The following PCDH15 variants were observed in gnomAD, a reference collection of about 807,000 sequenced individuals.
The protein encoded by PCDH15 is protocadherin-15.
In PCDH15, 129 loss-of-function variants were observed where a neutral mutation model predicts 178.5. That is an observed-to-expected ratio of 0.72 (90% CI 0.63 to 0.84). The LOEUF (loss-of-function observed/expected upper bound fraction) is 0.84. PCDH15 is among the 40% of genes least tolerant of loss of function. The pLI is 0.00. For synonymous variants in PCDH15, 800 were observed against 732.0 expected (o/e 1.09, Z -1.50); for missense variants, 2,230 against 2,099.9 (o/e 1.06, Z -1.21).
intron 20 of PCDH15, among the ~76,000 whole-genome samples, chr10:54,005,089 G>T (rs117141848): frequency 0.03 from 4,511 of 152,146 alleles, 101 homozygotes; most frequent in East Asian, 0.11. Context: ...AATAAATGAT[G>T]CCAGGAAAAC....
At chr10:54,868,149 T>C (rs1257202395) in intron 3 of PCDH15, among the ~76,000 whole-genome samples, 1 of 152,144 alleles carries the variant, frequency 6.6e-6, no homozygotes, top group Non-Finnish European at 1.5e-5. Context: ...CAAATATTAA[T>C]AAAGTGAAAT....
intron 21 of PCDH15, among the ~76,000 whole-genome samples, chr10:53,970,071 G>C (rs1687588238): frequency 6.6e-6 from 1 of 152,074 alleles, no homozygotes; most frequent in African/African-American, 2.4e-5. Context: ...TGGCAAACTG[G>C]ATAAAGAGTC....
intron 2 of PCDH15, among the ~76,000 whole-genome samples, chr10:55,324,619 C>T (rs914508840): frequency 1.3e-5 from 2 of 152,074 alleles, no homozygotes; most frequent in Non-Finnish European, 2.9e-5. Flanking sequence ...GATAACCAAA[C>T]AATCATAGTG....
intron 14 of PCDH15, among the ~76,000 whole-genome samples, chr10:54,138,949 A>G (rs550975089): frequency 1.6e-3 from 231 of 147,772 alleles, no homozygotes; most frequent in African/African-American, 6.0e-3. Flanking sequence ...AAGAATACAC[A>G]TAAGTAAGCC....
intron 21 of PCDH15, among the ~76,000 whole-genome samples, chr10:53,965,338 G>C (rs907530762): frequency 3.3e-5 from 5 of 152,130 alleles, no homozygotes; most frequent in African/African-American, 1.2e-4. Context: ...GATTACAGGC[G>C]TAAGCCACCG....
At position 54,914,152 on chromosome 10, in the gene PCDH15, T is replaced by C. The variant is rs147473841; in HGVS notation, c.-79-16652A>G. ...ACAGCATGATATGATTTGGCTCTGTTTTCCCATTCAAATCTCATGTTGAAT... is the reference window on the plus strand; with the variant it reads ...ACAGCATGATATGATTTGGCTCTGTCTTCCCATTCAAATCTCATGTTGAAT... On this transcript the variant is annotated intron_variant, in intron 2 of 5. Transcript: ENST00000458638. Among the ~76,000 whole-genome samples the C allele has an allele frequency of 2.9e-3, 438 of 152,254 alleles. 3 individuals are homozygous for C. The highest frequency in any genetic ancestry group is 0.024 in the Middle Eastern group (7 of 294).
chr10:54,333,298 T>C (rs895610761), intron 6 of PCDH15, among the ~76,000 whole-genome samples: 1 of 152,118 alleles, frequency 6.6e-6, no homozygotes, highest in Non-Finnish European at 1.5e-5. Flanking sequence ...GAATAGGATA[T>C]ACTTTATCAT....
At chr10:54,544,523 T>C (rs1168416930) in intron 2 of PCDH15, among the ~76,000 whole-genome samples, 1 of 152,176 alleles carries the variant, frequency 6.6e-6, no homozygotes, top group Non-Finnish European at 1.5e-5. Context: ...GCCTGCAATT[T>C]TGAATATCTG....
chr10:55,057,537 C>G (rs2131995094), intron 2 of PCDH15, among the ~76,000 whole-genome samples: 1 of 152,262 alleles, frequency 6.6e-6, no homozygotes, highest in East Asian at 1.9e-4. Context: ...GCACACTCTA[C>G]AAGTTGCTGT....
In PCDH15 at chr10:55,522,441, GCTGT is replaced by G. The variant is rs558359355; in HGVS notation, c.-156+105180_-156+105183del. On this transcript the variant is annotated intron_variant, in intron 2 of 5. Coordinates refer to the PCDH15 transcript ENST00000613346. Reference sequence around the variant, plus strand: ...TCAAATTCCATACTGTTACTGTATTGCTGTCTATTTCTCCTTTCAGTTATGTTAA... The same window carrying G: ...TCAAATTCCATACTGTTACTGTATTGCTATTTCTCCTTTCAGTTATGTTAA... 3.1e-3 allele frequency among the ~76,000 whole-genome samples: 471 copies of G among 151,652 alleles called. 1 individual carries two copies. Among genetic ancestry groups the G allele is most frequent in the African/African-American group, 0.01 (433 of 41,440 alleles).
At chr10:54,567,936 C>T (rs1479561978) in intron 2 of PCDH15, among the ~76,000 whole-genome samples, 1 of 152,092 alleles carries the variant, frequency 6.6e-6, no homozygotes, top group African/African-American at 2.4e-5. Context: ...GCTGAAACTA[C>T]TTTGAGTAAT....
intron 7 of PCDH15, among the ~76,000 whole-genome samples, chr10:54,321,813 A>G (rs1183029655): frequency 3.3e-5 from 5 of 152,028 alleles, no homozygotes; most frequent in Admixed American, 3.3e-4. Context: ...TGTATTTTTA[A>G]GTGGGAAATA....
chr10:53,955,204 C>T (rs2087493079), intron 23 of PCDH15, among the ~76,000 whole-genome samples: 1 of 152,118 alleles, frequency 6.6e-6, no homozygotes, highest in Non-Finnish European at 1.5e-5. Flanking sequence ...GTCTGGTTTC[C>T]CCTTTCTGCT....
At chr10:54,696,970 G>A (rs1178897236) in intron 1 of PCDH15, among the ~76,000 whole-genome samples, 1 of 151,992 alleles carries the variant, frequency 6.6e-6, no homozygotes, top group Non-Finnish European at 1.5e-5. Context: ...TTTTAGAGAT[G>A]GTGTATCACT....
intron 3 of PCDH15, among the ~76,000 whole-genome samples, chr10:54,493,940 C>T (rs1392971445): frequency 6.6e-6 from 1 of 151,980 alleles, no homozygotes; most frequent in African/African-American, 2.4e-5. Context: ...TTTGTAGGGA[C>T]ATGGATGAAA....
rs1588974103 is a variant in PCDH15, at chr10:53,828,556, T to C, written c.4211+9A>G. On this transcript the variant is annotated intron_variant, in intron 31 of 37. Transcript: ENST00000644397. The stretch of plus-strand genomic sequence containing the variant: ...TGAAAAGGATGTGTAAAATGTTAAT[T>C]ATACTTACACTTTAAACCTGTTTGG... 9 of 1,553,092 alleles carry C rather than the reference T, an allele frequency of 5.8e-6. No homozygotes were observed. The highest frequency in any genetic ancestry group is 8.0e-6 in the Non-Finnish European group (9 of 1,125,110).
At chr10:54,803,904 C>G (rs1591710262), upstream of PCDH15, among the ~76,000 whole-genome samples, 1 of 152,038 alleles carries the variant, frequency 6.6e-6, no homozygotes, top group South Asian at 2.1e-4. Context: ...AAAAATGAAT[C>G]ATTAAATCTA....
rs61267485 is a variant in PCDH15 at position 55,224,523 on chromosome 10, T to C, written c.-155-57872A>G. Among the ~76,000 whole-genome samples the C allele has an allele frequency of 1.2e-3, 178 of 152,200 alleles. 1 individual carries two copies. Among genetic ancestry groups the C allele is most frequent in the African/African-American group, 4.1e-3 (171 of 41,480 alleles). ...TTACATGAAGCAGAGATCAGTCATT[T>C]CAAAGCTGAGGTCGCTCTAGACCAA... is the stretch of plus-strand genomic sequence containing the variant. On this transcript the variant is annotated intron_variant, in intron 1 of 5. Coordinates refer to the PCDH15 transcript ENST00000458638.
chr10:53,868,842 T>C (rs1456583591), intron 26 of PCDH15, among the ~76,000 whole-genome samples: 2 of 152,162 alleles, frequency 1.3e-5, no homozygotes, highest in South Asian at 2.1e-4. Context: ...TCTCTTTTCT[T>C]TATTTTTTTC....
Sources: allele counts gnomAD v4.1 joint callset (sites outside exome capture counted in the v4.1 genomes callset), GRCh38; gene constraint gnomAD v4.1.1; transcripts MANE v1.5; gene names NCBI Gene and HGNC (gene_info 2026-07-23, HGNC 2026-07-21).